The following RBM19 variants were observed in gnomAD, a reference collection of about 807,000 sequenced individuals.
The protein encoded by RBM19 is probable RNA-binding protein 19.
A neutral mutation model predicts 116.8 loss-of-function variants in RBM19; 94 were observed. That is an observed-to-expected ratio of 0.80 (90% CI 0.68 to 0.95). The LOEUF (loss-of-function observed/expected upper bound fraction) is 0.95. Among genes scored for constraint, RBM19 ranks in the 40% least tolerant of loss-of-function variants. The pLI, the probability that RBM19 is intolerant of heterozygous loss-of-function variation, is 0.00. For synonymous variants in RBM19, 475 were observed against 494.1 expected, an observed-to-expected ratio of 0.96 and a Z score of 0.51; for missense variants, 1,161 against 1,220.7, an observed-to-expected ratio of 0.95 and a Z score of 0.73.
At chr12:113,897,018 C>G (rs960221599) in intron 21 of RBM19, among the ~76,000 whole-genome samples, 2 of 152,234 alleles carry the variant, frequency 1.3e-5, no homozygotes, top group Non-Finnish European at 2.9e-5. Context: ...TGTCAGTTCA[C>G]TGTGGCACCC....
chr12:113,882,815 C>T (rs1378596570), intron 21 of RBM19, among the ~76,000 whole-genome samples: 1 of 152,210 alleles, frequency 6.6e-6, no homozygotes, highest in Admixed American at 6.5e-5. Flanking sequence ...AGATGACCCA[C>T]AGCATTGGAG....
intron 18 of RBM19, among the ~76,000 whole-genome samples, chr12:113,921,954 C>T (rs984236265): frequency 3.9e-5 from 6 of 152,182 alleles, no homozygotes; most frequent in African/African-American, 1.4e-4. Context: ...TTGGGATCAG[C>T]CAGCAAGAGG....
chr12:113,960,534 A>G (rs1223016236), intron 2 of RBM19, among the ~76,000 whole-genome samples: 1 of 152,226 alleles, frequency 6.6e-6, no homozygotes, highest in Non-Finnish European at 1.5e-5. Flanking sequence ...AAATTGGAGC[A>G]TCAAGAAGTC....
At chr12:113,947,888 C>T (rs117175577) in intron 10 of RBM19, among the ~76,000 whole-genome samples, 53 of 152,300 alleles carry the variant, frequency 3.5e-4, no homozygotes, top group Non-Finnish European at 5.1e-4. Flanking sequence ...GGTGTGACCG[C>T]GTCCCCTCTC....
intron 23 of RBM19, among the ~76,000 whole-genome samples, chr12:113,833,529 C>T (rs1173133113): frequency 6.6e-6 from 1 of 152,206 alleles, no homozygotes; most frequent in Non-Finnish European, 1.5e-5. Context: ...ACCCTGCTGG[C>T]TTCTCTGCCT....
intron 16 of RBM19, among the ~76,000 whole-genome samples, chr12:113,930,631 C>T (rs541154574): frequency 5.9e-5 from 9 of 152,330 alleles, no homozygotes; most frequent in East Asian, 1.9e-4. Flanking sequence ...CCCTCCCCTT[C>T]GGGAGGAACA....
At chr12:113,948,111 C>T (rs769396114) in intron 10 of RBM19, among the ~76,000 whole-genome samples, 2 of 152,182 alleles carry the variant, frequency 1.3e-5, no homozygotes, top group African/African-American at 4.8e-5. Flanking sequence ...GGCATCCTTA[C>T]CCTGACAACG....
intron 21 of RBM19, among the ~76,000 whole-genome samples, chr12:113,864,299 T>A (rs1305038348): frequency 6.6e-6 from 1 of 152,276 alleles, no homozygotes; most frequent in East Asian, 1.9e-4. Flanking sequence ...CTCACCTTGA[T>A]TGGGGGCAGC....
chr12:113,931,076 T>A (rs1022686243), intron 16 of RBM19, among the ~76,000 whole-genome samples: 1 of 152,172 alleles, frequency 6.6e-6, no homozygotes, highest in Admixed American at 6.6e-5. Context: ...TAAACTCAAT[T>A]ACCAAATTTT....
At chr12:113,952,781 T>C (rs1344072780) in intron 7 of RBM19, among the ~76,000 whole-genome samples, 191 bp from the exon 8 acceptor site, 1 of 152,150 alleles carries the variant, frequency 6.6e-6, no homozygotes, top group Admixed American at 6.5e-5. Flanking sequence ...GGAGGAGAAA[T>C]GAGTAATATA....
At chr12:113,833,003 C>T (rs1875565030) in intron 23 of RBM19, among the ~76,000 whole-genome samples, 1 of 152,156 alleles carries the variant, frequency 6.6e-6, no homozygotes, top group African/African-American at 2.4e-5. Context: ...TAAATATCAT[C>T]TGTCTGCTGA....
chr12:113,923,184 A>G (rs1259818802), intron 18 of RBM19, among the ~76,000 whole-genome samples: 2 of 152,194 alleles, frequency 1.3e-5, no homozygotes, highest in African/African-American at 2.4e-5. Context: ...CCTAAATCCA[A>G]TATGATTGGA....
chr12:113,848,357 A>G (rs945234847), intron 22 of RBM19, among the ~76,000 whole-genome samples: 4 of 152,220 alleles, frequency 2.6e-5, no homozygotes, highest in African/African-American at 7.2e-5. Flanking sequence ...CTGCAGGTTA[A>G]TATGAAATCA....
chr12:113,942,640 A>G (rs1316302274), intron 13 of RBM19, among the ~76,000 whole-genome samples: 2 of 141,118 alleles, frequency 1.4e-5, no homozygotes, highest in East Asian at 2.1e-4. Flanking sequence ...TCACTCTGTC[A>G]TATCTGTCCC....
At chr12:113,816,952 G>A (rs112894959) in exon 25 of RBM19, 5 of 152,208 alleles carry the variant, frequency 3.3e-5, no homozygotes, top group East Asian at 3.9e-4. Flanking sequence ...TCCCTTCCCC[G>A]TCCTTTGAAC....
chr12:113,895,901 T>C (rs1251893042), intron 21 of RBM19, among the ~76,000 whole-genome samples: 3 of 150,996 alleles, frequency 2.0e-5, no homozygotes, highest in Admixed American at 1.3e-4. Flanking sequence ...TATATATGTG[T>C]ATATATAAAA....
At position 113,935,928 on chromosome 12, in the gene RBM19, C is replaced by T. The variant is rs113807032; in HGVS notation, c.2068+1079G>A. ...GTGGGCGCCTGTAGTCCCAGCTACT[C>T]GGGAGGCTGAGGCAGGAGAATTGCT... On this transcript the variant is annotated intron_variant, in intron 16 of 23. Transcript: ENST00000261741. Among the ~76,000 whole-genome samples the T allele has an allele frequency of 5.3e-3, 807 of 151,828 alleles. 8 individuals carry two copies. The highest frequency in any genetic ancestry group is 0.018 in the African/African-American group (726 of 41,402).
At chr12:113,947,191 C>T in intron 11 of RBM19, 143 bp downstream of exon 11, 1 of 1,090,072 alleles carries the variant, frequency 9.2e-7, no homozygotes, top group Non-Finnish European at 1.3e-6. Context: ...TTGAGTGAGG[C>T]AGTGACTTAG....
chr12:113,933,983 T>C (rs10850243), intron 16 of RBM19, among the ~76,000 whole-genome samples: 24,253 of 152,138 alleles, frequency 0.16, 2,563 homozygotes, highest in African/African-American at 0.3. Context: ...GATAGGGTCT[T>C]GCTCTGTCAC....
Sources: allele counts gnomAD v4.1 joint callset (sites outside exome capture counted in the v4.1 genomes callset), GRCh38; gene constraint gnomAD v4.1.1; transcripts MANE v1.5; gene names NCBI Gene and HGNC (gene_info 2026-07-23, HGNC 2026-07-21).